Variants in LAMA2 observed in about 807,000 individuals in gnomAD.
The protein encoded by LAMA2 is laminin subunit alpha 2.
LAMA2 carries 269 observed loss-of-function variants against 364.8 expected under a neutral mutation model. The ratio of observed to expected loss-of-function variants is 0.74; its 90% CI spans 0.67 to 0.82. LAMA2 has a LOEUF of 0.82. Ranked by LOEUF, LAMA2 falls within the 40% of genes least tolerant of loss-of-function variation. The pLI is 0.00. For missense variants in LAMA2, 3,807 were observed against 3,873.2 expected (o/e 0.98, Z 0.45); for synonymous variants, 1,379 against 1,370.6 (o/e 1.01, Z -0.14).
At chr6:129,023,736 A>C (rs555115800) in intron 1 of LAMA2, among the ~76,000 whole-genome samples, 1 of 152,138 alleles carries the variant, frequency 6.6e-6, no homozygotes, top group Non-Finnish European at 1.5e-5. Flanking sequence ...CTGATTTGCT[A>C]TCTTGTTCTT....
intron 1 of LAMA2, among the ~76,000 whole-genome samples, chr6:128,979,705 G>A (rs766790023): frequency 1.3e-5 from 2 of 152,214 alleles, no homozygotes; most frequent in Non-Finnish European, 2.9e-5. Context: ...AGACTCTGTA[G>A]TTGCAAAGTA....
intron 34 of LAMA2, among the ~76,000 whole-genome samples, chr6:129,370,865 C>T (rs745750496): frequency 6.6e-6 from 1 of 152,186 alleles, no homozygotes; most frequent in African/African-American, 2.4e-5. Flanking sequence ...TTCTACATAG[C>T]CTGCTGTCGG....
chr6:128,944,216 A>G (rs1202112842), intron 1 of LAMA2, among the ~76,000 whole-genome samples: 1 of 152,196 alleles, frequency 6.6e-6, no homozygotes, highest in Non-Finnish European at 1.5e-5. Context: ...GATGCTGACA[A>G]TGCACAGTTA....
chr6:128,970,735 A>G (rs890782820), intron 1 of LAMA2, among the ~76,000 whole-genome samples: 11 of 152,174 alleles, frequency 7.2e-5, no homozygotes, highest in African/African-American at 2.7e-4. Context: ...GTGTTTTATG[A>G]TTTGTGATAG....
chr6:129,072,089 G>A (rs1466889623), intron 3 of LAMA2, among the ~76,000 whole-genome samples: 3 of 152,102 alleles, frequency 2.0e-5, no homozygotes, highest in Non-Finnish European at 2.9e-5. Flanking sequence ...AGAGGTTGTG[G>A]TGAGCCGAGA....
intron 27 of LAMA2, among the ~76,000 whole-genome samples, chr6:129,316,379 GA>G (rs564020680): frequency 3.7e-4 from 56 of 150,644 alleles, no homozygotes; most frequent in South Asian, 1.3e-3. Flanking sequence ...ACGTTAAAGG[GA>G]AAAAAAAATA....
At chr6:129,371,658 G>A (rs1381762220) in intron 34 of LAMA2, among the ~76,000 whole-genome samples, 1 of 149,632 alleles carries the variant, frequency 6.7e-6, no homozygotes, top group African/African-American at 2.5e-5. Context: ...CGAGGCTGGA[G>A]TGCAGTGGTG....
At chr6:129,420,215 A>T (rs949660772) in intron 40 of LAMA2, among the ~76,000 whole-genome samples, 5 of 152,122 alleles carry the variant, frequency 3.3e-5, no homozygotes, top group African/African-American at 7.2e-5. Context: ...TACGTATTTT[A>T]AAAAATATTC....
In LAMA2 at chr6:129,502,771, G is replaced by A. The variant is rs767988083; in HGVS notation, c.8357G>A (p.Arg2786His). The A allele has an allele frequency of 3.0e-5, 47 of 1,587,016 alleles. No individual in the cohort carries two copies. Among genetic ancestry groups the A allele is most frequent in the African/African-American group, 2.7e-4 (20 of 74,306 alleles). Reference protein sequence around the residue: ...IAFDDTKVKNRLTIELEVRTE... With the variant: ...IAFDDTKVKNHLTIELEVRTE... ...TTTGATGACACCAAAGTTAAAAACC[G>A]GTATGTATCATCCTGAGACACTGGG... Residue 2786 changes from arginine (R) to histidine (H), a missense_variant and splice_region_variant, in exon 59 of 65, where the codon CGT becomes CAT. By Grantham distance (29) the Arg-to-His change is conservative. Transcript: ENST00000421865.
chr6:129,042,163 G>T (rs1582924611), intron 1 of LAMA2, among the ~76,000 whole-genome samples: 1 of 151,588 alleles, frequency 6.6e-6, no homozygotes, highest in African/African-American at 2.4e-5. Flanking sequence ...AAATTAGCTG[G>T]GCGTGGTGGC....
In LAMA2 at chr6:129,492,084, G is replaced by C. The variant is rs915896406; in HGVS notation, c.8075+7G>C. The C allele has an allele frequency of 1.9e-6, 3 of 1,610,376 alleles. No homozygotes were observed. The highest frequency in any genetic ancestry group is 2.5e-6 in the Non-Finnish European group (3 of 1,176,756). ...ATCTTGTTATTAACTCTGTGTAAGT[G>C]GATCTCCTCATTACTACTACTAATT... On this transcript the variant is annotated splice_region_variant and intron_variant, in intron 57 of 64. Transcript: ENST00000421865.
intron 13 of LAMA2, among the ~76,000 whole-genome samples, chr6:129,251,040 TTCTCTCTCTCTCTCTC>T (rs66896334): frequency 4.9e-5 from 3 of 61,676 alleles, no homozygotes; most frequent in African/African-American, 1.4e-4. Context: ...GTCTCTCTCT[TTCTCTCTCTCTCTCTC>T]TCTCTCTCTC....
At chr6:128,996,900 G>T (rs1169418557) in intron 1 of LAMA2, among the ~76,000 whole-genome samples, 2 of 152,194 alleles carry the variant, frequency 1.3e-5, no homozygotes, top group Non-Finnish European at 2.9e-5. Context: ...TGATAGACTG[G>T]ATAAAGAAAA....
chr6:128,961,318 G>GAT (rs58772123), intron 1 of LAMA2, among the ~76,000 whole-genome samples: 659 of 57,114 alleles, frequency 0.012, 14 homozygotes, highest in Non-Finnish European at 0.015. Context: ...GAACTAATAT[G>GAT]ATATATATAT....
intron 4 of LAMA2, among the ~76,000 whole-genome samples, chr6:129,121,305 T>A (rs1031667832): frequency 6.6e-6 from 1 of 152,212 alleles, no homozygotes; most frequent in Non-Finnish European, 1.5e-5. Flanking sequence ...GAAAGATATT[T>A]AAAAAAATTT....
chr6:128,924,700 C>G (rs1226419660), intron 1 of LAMA2, among the ~76,000 whole-genome samples: 1 of 152,132 alleles, frequency 6.6e-6, no homozygotes, highest in African/African-American at 2.4e-5. Flanking sequence ...ATTTGTAGGT[C>G]CTGCTCATGC....
At chr6:129,081,136 A>C (rs1347980216) in intron 3 of LAMA2, among the ~76,000 whole-genome samples, 2 of 152,076 alleles carry the variant, frequency 1.3e-5, no homozygotes, top group East Asian at 1.9e-4. Context: ...AGCAAACTAT[A>C]GCAAGGACAG....
intron 29 of LAMA2, among the ~76,000 whole-genome samples, chr6:129,330,037 G>T (rs1008068209): frequency 6.6e-6 from 1 of 151,678 alleles, no homozygotes; most frequent in African/African-American, 2.4e-5. Flanking sequence ...AGAATCTAAT[G>T]CCTGATGATC....
intron 51 of LAMA2, among the ~76,000 whole-genome samples, chr6:129,470,369 T>C (rs1783751949): frequency 6.6e-6 from 1 of 151,846 alleles, no homozygotes; most frequent in African/African-American, 2.4e-5. Context: ...ATGTGGACTT[T>C]TAGGCAAAAA....
Sources: gnomAD v4.1 joint callset for allele counts (sites outside exome capture counted in the v4.1 genomes callset) on GRCh38, gnomAD v4.1.1 for gene constraint, MANE v1.5 for transcripts, NCBI Gene and HGNC (gene_info 2026-07-23, HGNC 2026-07-21) for gene names.